Variants in NEGR1 observed in about 807,000 individuals in gnomAD.
The protein encoded by NEGR1 is neuronal growth regulator 1.
NEGR1 carries 10 observed loss-of-function variants against 40.9 expected under a neutral mutation model. The observed-to-expected ratio is 0.24, with a 90% CI of 0.15 to 0.42. The LOEUF (loss-of-function observed/expected upper bound fraction) is 0.42, where lower values mean the gene tolerates loss of function less well. NEGR1 is among the 10% of genes least tolerant of loss of function. The pLI, the probability that NEGR1 is intolerant of heterozygous loss-of-function variation, is 1.00. For missense variants in NEGR1, 352 were observed against 438.9 expected (o/e 0.80, Z 1.77); for synonymous variants, 185 against 166.8 (o/e 1.11, Z -0.84).
At chr1:71,706,900 A>G (rs1012475058) in intron 3 of NEGR1, among the ~76,000 whole-genome samples, 3 of 152,038 alleles carry the variant, frequency 2.0e-5, no homozygotes, top group African/African-American at 7.2e-5. Flanking sequence ...GCTGGATTCA[A>G]GTGAGACTCA....
At chr1:71,728,425 T>G (rs1654745415) in intron 3 of NEGR1, among the ~76,000 whole-genome samples, 1 of 152,118 alleles carries the variant, frequency 6.6e-6, no homozygotes, top group East Asian at 1.9e-4. Context: ...TGTTTCCTAG[T>G]GACTCCCATC....
intron 1 of NEGR1, among the ~76,000 whole-genome samples, chr1:72,281,518 G>A (rs1368963622): frequency 6.6e-6 from 1 of 151,926 alleles, no homozygotes; most frequent in Non-Finnish European, 1.5e-5. Context: ...GGTGGGAAAC[G>A]GTATGGGGAG....
chr1:71,945,176 G>A (rs919312836), intron 1 of NEGR1, among the ~76,000 whole-genome samples: 7 of 152,094 alleles, frequency 4.6e-5, no homozygotes, highest in African/African-American at 1.7e-4. Flanking sequence ...ACTAGGCCTG[G>A]AACCTGGGCC....
At chr1:71,708,478 C>A (rs1307891648) in intron 3 of NEGR1, among the ~76,000 whole-genome samples, 3 of 152,004 alleles carry the variant, frequency 2.0e-5, no homozygotes, top group Non-Finnish European at 2.9e-5. Flanking sequence ...CAATAACATT[C>A]TTCACAGAAA....
At chr1:71,696,386 C>T (rs1316738478) in intron 4 of NEGR1, among the ~76,000 whole-genome samples, 1 of 151,730 alleles carries the variant, frequency 6.6e-6, no homozygotes, top group Non-Finnish European at 1.5e-5. Flanking sequence ...TTTTCAATTT[C>T]ATCCCTATCA....
chr1:72,154,102 A>T (rs1651266300), intron 1 of NEGR1, among the ~76,000 whole-genome samples: 1 of 151,788 alleles, frequency 6.6e-6, no homozygotes, highest in Admixed American at 6.6e-5. Context: ...ACCTGGATAG[A>T]TTTGGGCCTG....
At chr1:71,806,897 T>C (rs1229593475) in intron 2 of NEGR1, among the ~76,000 whole-genome samples, 1 of 139,528 alleles carries the variant, frequency 7.2e-6, no homozygotes, top group African/African-American at 2.8e-5. Context: ...TGTTTTTTTT[T>C]GTTTTTTTTT....
chr1:71,881,320 A>G (rs934223156), intron 2 of NEGR1, among the ~76,000 whole-genome samples: 1 of 152,110 alleles, frequency 6.6e-6, no homozygotes, highest in African/African-American at 2.4e-5. Context: ...TCAGCTTTTA[A>G]TAAGAACAAT....
intron 6 of NEGR1, among the ~76,000 whole-genome samples, chr1:71,529,137 C>A (rs905666813): frequency 4.0e-5 from 6 of 150,984 alleles, no homozygotes; most frequent in African/African-American, 1.5e-4. Flanking sequence ...TTTCTAGGGA[C>A]AAAGTAAGGA....
rs1268615373 is a variant in NEGR1, at chr1:72,199,142, T to TAGATAGAG, written c.176+83176_176+83177insCTCTATCT. Among the ~76,000 whole-genome samples, 728 of 143,134 alleles carry TAGATAGAG rather than the reference T, an allele frequency of 5.1e-3. 4 individuals are homozygous for TAGATAGAG. The highest frequency in any genetic ancestry group is 7.0e-3 in the Non-Finnish European group (464 of 65,894). The allele number at this position is 143,134 out of a possible 152,430, so 93.9% of individuals were successfully genotyped here. On this transcript the variant is annotated intron_variant, in intron 1 of 6. Transcript: ENST00000357731. The stretch of plus-strand genomic sequence containing the variant: ...TTAGTACATTGGAGATCTATCTAGA[T>TAGATAGAG]AGACAGACAGAGAGAGAGAGAGAGA...
In NEGR1 at chr1:72,111,352, T is replaced by C. The variant is rs113226147; in HGVS notation, c.176+170967A>G. Among the ~76,000 whole-genome samples, 846 of 151,854 alleles carry C rather than the reference T, an allele frequency of 5.6e-3. 12 individuals are homozygous for C. Among genetic ancestry groups the C allele is most frequent in the African/African-American group, 0.02 (817 of 41,522 alleles). On this transcript the variant is annotated intron_variant, in intron 1 of 6. Transcript: ENST00000357731. Reference sequence around the variant, plus strand: ...ATTAGCTATTATAATTTTAATATTTTATTTTAGCATCTCATTCTGGGTTTA... The same window carrying C: ...ATTAGCTATTATAATTTTAATATTTCATTTTAGCATCTCATTCTGGGTTTA...
chr1:71,774,347 T>C (rs1656429860), intron 3 of NEGR1, among the ~76,000 whole-genome samples: 1 of 152,194 alleles, frequency 6.6e-6, no homozygotes, highest in Non-Finnish European at 1.5e-5. Context: ...AGTTTTATGA[T>C]TTTTCAGTGG....
At chr1:71,467,792 T>C (rs1389418936) in intron 6 of NEGR1, among the ~76,000 whole-genome samples, 1 of 152,032 alleles carries the variant, frequency 6.6e-6, no homozygotes. Context: ...TTGACTTATA[T>C]ATAGCACATT....
At chr1:71,863,697 C>T (rs914978548) in intron 2 of NEGR1, among the ~76,000 whole-genome samples, 38 of 152,248 alleles carry the variant, frequency 2.5e-4, no homozygotes, top group African/African-American at 8.7e-4. Flanking sequence ...AGTTCCTACA[C>T]ACAGTTATTA....
intron 6 of NEGR1, among the ~76,000 whole-genome samples, chr1:71,508,478 G>A (rs1647050799): frequency 7.1e-6 from 1 of 140,386 alleles, no homozygotes; most frequent in Admixed American, 6.8e-5. Context: ...AAAAGCAAAA[G>A]TCAAAATGGA....
At chr1:71,626,296 G>A (rs1427720751) in intron 4 of NEGR1, among the ~76,000 whole-genome samples, 3 of 151,730 alleles carry the variant, frequency 2.0e-5, no homozygotes, top group Non-Finnish European at 2.9e-5. Flanking sequence ...GTGCCACGTT[G>A]GTGTGCTGCA....
In NEGR1 at chr1:71,531,086, G is replaced by A. The variant is rs1647344137; in HGVS notation, c.940+61731C>T. On this transcript the variant is annotated intron_variant, in intron 6 of 6. Coordinates refer to ENST00000357731, the MANE Select transcript of NEGR1 (RefSeq NM_173808.3). ...GAAACTCTGAGTATAGAGTGGTTAA[G>A]TAACCTGACTTGAATTTTTTTCTAA... Among the ~76,000 whole-genome samples, 5 of 151,176 alleles carry A rather than the reference G, an allele frequency of 3.3e-5. 1 individual carries two copies. The South Asian group carries it at 1.0e-3, about 31-fold the overall frequency.
chr1:71,706,882 T>C (rs1375510866), intron 3 of NEGR1, among the ~76,000 whole-genome samples: 2 of 151,948 alleles, frequency 1.3e-5, no homozygotes, highest in African/African-American at 4.8e-5. Flanking sequence ...GGTGAGCTTC[T>C]GAGATTTGCT....
chr1:71,458,122 T>A (rs916666495), intron 6 of NEGR1, among the ~76,000 whole-genome samples: 1 of 152,216 alleles, frequency 6.6e-6, no homozygotes, highest in African/African-American at 2.4e-5. Flanking sequence ...TCCTTTTCCT[T>A]GTACCACATT....
Sources: gnomAD v4.1 joint callset for allele counts (sites outside exome capture counted in the v4.1 genomes callset) on GRCh38, gnomAD v4.1.1 for gene constraint, MANE v1.5 for transcripts, NCBI Gene and HGNC (gene_info 2026-07-23, HGNC 2026-07-21) for gene names.